HDAC8: variants seen among roughly 807,000 people sequenced by gnomAD.
HDAC8 encodes histone deacetylase-like 1.
HDAC8 carries 1 observed loss-of-function variant against 32.2 expected under a neutral mutation model. The ratio of observed to expected loss-of-function variants is 0.03; its 90% CI spans 0.01 to 0.15. The LOEUF (loss-of-function observed/expected upper bound fraction) is 0.15, where lower values mean the gene tolerates loss of function less well. Among genes scored for constraint, HDAC8 ranks in the 10% least tolerant of loss-of-function variants. The pLI, the probability that HDAC8 is intolerant of heterozygous loss-of-function variation, is 1.00. For synonymous variants in HDAC8, 108 were observed against 113.9 expected (o/e 0.95, Z 0.33); for missense variants, 117 against 300.0 (o/e 0.39, Z 4.51).
chrX:72,422,489 C>G (rs1259320217), intron 9 of HDAC8, among the ~76,000 whole-genome samples: 4 of 111,237 alleles, frequency 3.6e-5, no homozygotes, highest in Non-Finnish European at 7.5e-5. Flanking sequence ...AAAAAAAAAT[C>G]CAGACAAGTA....
intron 10 of HDAC8, among the ~76,000 whole-genome samples, chrX:72,349,976 G>T: frequency 8.9e-6 from 1 of 111,760 alleles, no homozygotes; most frequent in Middle Eastern, 4.6e-3. Flanking sequence ...AAGAGAAGCC[G>T]GTCCAGGATC....
chrX:72,379,848 G>A (rs1555959429), intron 9 of HDAC8, among the ~76,000 whole-genome samples: 1 of 110,466 alleles, frequency 9.1e-6, no homozygotes, highest in African/African-American at 3.3e-5. Context: ...TGGATTCTTT[G>A]TCACGTGGGG....
At chrX:72,362,317 C>T (rs1308024921) in intron 9 of HDAC8, among the ~76,000 whole-genome samples, 1 of 111,879 alleles carries the variant, frequency 8.9e-6, no homozygotes, top group African/African-American at 3.3e-5. Flanking sequence ...GACATGCTGG[C>T]TCCCCTTTGC....
chrX:72,384,007 G>A (rs1555960696), intron 9 of HDAC8, among the ~76,000 whole-genome samples: 1 of 111,341 alleles, frequency 9.0e-6, no homozygotes, highest in East Asian at 2.8e-4. Context: ...CATTTCTTCA[G>A]GCAGTGTGTT....
At chrX:72,336,415 T>A (rs1223668467) in intron 10 of HDAC8, among the ~76,000 whole-genome samples, 1 of 112,296 alleles carries the variant, frequency 8.9e-6, no homozygotes, top group Non-Finnish European at 1.9e-5. Flanking sequence ...TTGAAGATAC[T>A]GTAAGTTGAA....
intron 9 of HDAC8, among the ~76,000 whole-genome samples, chrX:72,427,410 T>C (rs1318208451): frequency 2.7e-5 from 3 of 110,819 alleles, no homozygotes; most frequent in Non-Finnish European, 5.7e-5. Flanking sequence ...TGGAATACTA[T>C]GCAGCCATAA....
At chrX:72,480,999 AC>A (rs1436493746) in intron 7 of HDAC8, among the ~76,000 whole-genome samples, 1 of 109,889 alleles carries the variant, frequency 9.1e-6, no homozygotes, top group Non-Finnish European at 1.9e-5. Context: ...GCAGCAAACC[AC>A]CATGGCACAT....
At chrX:72,360,455 T>G in intron 9 of HDAC8, among the ~76,000 whole-genome samples, 1 of 112,567 alleles carries the variant, frequency 8.9e-6, no homozygotes, top group Non-Finnish European at 1.9e-5. Context: ...CAGTCTACTT[T>G]TTCCTAAAAA....
rs148367953 is a variant in HDAC8 at position 72,482,915 on chromosome X, G to A, written c.737+6018C>T. On this transcript the variant is annotated intron_variant, in intron 7 of 10. Transcript: ENST00000373573. ...TACTTTAGTAGGTATTATAGATTGC[G>A]GCAGGGATCAAATGAAGCAATGTAA... is the stretch of plus-strand genomic sequence containing the variant. Among the ~76,000 whole-genome samples, 247 of 111,389 alleles carry A rather than the reference G, an allele frequency of 2.2e-3. 4 individuals carry two copies. Among genetic ancestry groups the A allele is most frequent in the Admixed American group, 0.018 (192 of 10,479 alleles).
intron 9 of HDAC8, among the ~76,000 whole-genome samples, chrX:72,355,205 C>T (rs185300217): frequency 3.6e-5 from 4 of 112,041 alleles, no homozygotes; most frequent in Non-Finnish European, 7.5e-5. Flanking sequence ...AATATGATCA[C>T]GTAAGGCAAA....
At chrX:72,442,187 C>A (rs1319757502) in intron 9 of HDAC8, among the ~76,000 whole-genome samples, 3 of 110,324 alleles carry the variant, frequency 2.7e-5, no homozygotes, top group African/African-American at 9.9e-5. Context: ...ACAGAGAACA[C>A]CACAAAGATG....
At chrX:72,468,741 A>G (rs2048086988) in intron 7 of HDAC8, among the ~76,000 whole-genome samples, 1 of 111,971 alleles carries the variant, frequency 8.9e-6, no homozygotes, top group Non-Finnish European at 1.9e-5. Context: ...CTTCTGGTCC[A>G]CTAGGGGAGG....
intron 5 of HDAC8, among the ~76,000 whole-genome samples, chrX:72,493,210 A>C (rs1292336320): frequency 9.0e-6 from 1 of 111,389 alleles, no homozygotes; most frequent in Non-Finnish European, 1.9e-5. Flanking sequence ...GAATAGTGAG[A>C]CATGTCATGA....
At chrX:72,355,045 A>T (rs1186398363) in intron 9 of HDAC8, among the ~76,000 whole-genome samples, 10 of 112,126 alleles carry the variant, frequency 8.9e-5, no homozygotes, top group Admixed American at 7.6e-4. Context: ...CTGCCAGACC[A>T]AGCCCAGCAG....
chrX:72,456,371 C>T (rs1854798492), intron 9 of HDAC8, among the ~76,000 whole-genome samples: 1 of 110,416 alleles, frequency 9.1e-6, no homozygotes, highest in Non-Finnish European at 1.9e-5. Flanking sequence ...ATAACATATG[C>T]AAAAGTAAAA....
At chrX:72,491,754 C>T (rs2048877737) in intron 5 of HDAC8, among the ~76,000 whole-genome samples, 1 of 111,250 alleles carries the variant, frequency 9.0e-6, no homozygotes, top group South Asian at 3.8e-4. Context: ...TTTAAAGTAA[C>T]CCTCACAAGC....
intron 4 of HDAC8, among the ~76,000 whole-genome samples, chrX:72,504,183 T>C (rs2049312913): frequency 8.9e-6 from 1 of 112,086 alleles, no homozygotes; most frequent in Admixed American, 9.5e-5. Context: ...AAAACTTACA[T>C]AACATAAAAT....
intron 4 of HDAC8, among the ~76,000 whole-genome samples, chrX:72,503,157 C>T (rs868971429): frequency 3.3e-4 from 37 of 111,970 alleles, no homozygotes; most frequent in African/African-American, 1.1e-3. Flanking sequence ...TACACCAATG[C>T]TTCCCTGAAA....
At chrX:72,532,243 T>G (rs2050367319) in intron 4 of HDAC8, among the ~76,000 whole-genome samples, 1 of 91,416 alleles carries the variant, frequency 1.1e-5, no homozygotes, top group Non-Finnish European at 2.2e-5. Context: ...CACCACCGTG[T>G]TGGGCATTTT....
Sources: gnomAD v4.1 joint callset for allele counts (sites outside exome capture counted in the v4.1 genomes callset) on GRCh38, gnomAD v4.1.1 for gene constraint, MANE v1.5 for transcripts, NCBI Gene and HGNC (gene_info 2026-07-23, HGNC 2026-07-21) for gene names.